Variants in MTM1 observed in about 807,000 individuals in gnomAD.
The protein encoded by MTM1 is myotubularin 1.
A neutral mutation model predicts 52.1 loss-of-function variants in MTM1; 9 were observed. That is an observed-to-expected ratio of 0.17 (90% CI 0.10 to 0.30). The LOEUF is 0.30. Ranked by LOEUF, MTM1 falls within the 10% of genes least tolerant of loss-of-function variation. The probability of loss-of-function intolerance (pLI) is 1.00; values close to 1 mark genes in which losing one functional copy is unlikely to be tolerated. For synonymous variants in MTM1, 136 were observed against 163.8 expected (o/e 0.83, Z 1.29); for missense variants, 277 against 470.7 (o/e 0.59, Z 3.81).
chrX:150,592,807 C>T (rs1408378979), intron 2 of MTM1, 130 bp downstream of exon 2: 2 of 466,747 alleles, frequency 4.3e-6, no homozygotes, highest in South Asian at 3.1e-5. Context: ...TACATTTATA[C>T]ATGTGGTTTC....
chrX:150,608,411 G>T (rs2039208618), intron 4 of MTM1, among the ~76,000 whole-genome samples: 1 of 111,390 alleles, frequency 9.0e-6, no homozygotes, highest in South Asian at 3.8e-4. Context: ...TAGAGATAGG[G>T]TCTTGCTGTG....
intron 14 of MTM1, among the ~76,000 whole-genome samples, chrX:150,668,569 G>A (rs782053448): frequency 3.4e-4 from 38 of 110,235 alleles, no homozygotes; most frequent in African/African-American, 1.2e-3. Flanking sequence ...GCCAGGCATG[G>A]CAGTGCATGC....
chrX:150,602,698 G>A (rs2039086904), intron 4 of MTM1, among the ~76,000 whole-genome samples: 1 of 112,132 alleles, frequency 8.9e-6, no homozygotes, highest in African/African-American at 3.2e-5. Context: ...CCTACTGTAG[G>A]TAGGTGATAC....
chrX:150,593,840 G>A (rs1228819346), intron 2 of MTM1, among the ~76,000 whole-genome samples: 2 of 110,190 alleles, frequency 1.8e-5, no homozygotes, highest in African/African-American at 3.3e-5. Context: ...GATGGCGTGC[G>A]CCCATAGTTC....
chrX:150,619,604 AC>A (rs782466962), intron 6 of MTM1, among the ~76,000 whole-genome samples: 26 of 112,157 alleles, frequency 2.3e-4, no homozygotes, highest in African/African-American at 8.1e-4. Context: ...TGTACCTAAA[AC>A]TTTTCCTTCC....
upstream of MTM1, among the ~76,000 whole-genome samples, chrX:150,565,082 C>A (rs781947634): frequency 4.5e-5 from 5 of 112,300 alleles, no homozygotes; most frequent in African/African-American, 1.6e-4. Context: ...AGGATTTAAA[C>A]CCTGGAACCT....
In MTM1 at chrX:150,660,347, CTTTG is replaced by C; in HGVS notation, c.1354-19_1354-16del. ...AAAGTTTCAGTCCCAGTTTTTCATG[CTTTG>C]TTTGCTTGTTTTTGTTTAGTTCCCT... On this transcript the variant is annotated intron_variant, in intron 12 of 14. Coordinates refer to ENST00000370396, the MANE Select transcript of MTM1 (RefSeq NM_000252.3). 3.1e-6 allele frequency: 3 copies of C among 975,284 alleles called. No homozygotes were observed. The highest frequency in any genetic ancestry group is 2.9e-6 in the Non-Finnish European group (2 of 682,018). The allele number at this position is 975,284 out of a possible 1,213,427, so 80.4% of individuals were successfully genotyped here.
chrX:150,622,217 A>G (rs1296854931), intron 6 of MTM1, among the ~76,000 whole-genome samples: 2 of 108,285 alleles, frequency 1.8e-5, no homozygotes, highest in African/African-American at 6.7e-5. Context: ...AAAAAAGTCA[A>G]CTGAATTGCT....
At chrX:150,631,667 CAAAAAAAAAAA>C (rs34042424) in intron 6 of MTM1, among the ~76,000 whole-genome samples, 6 of 35,455 alleles carry the variant, frequency 1.7e-4, no homozygotes, top group Non-Finnish European at 2.6e-4. Context: ...ACTCCATCTC[CAAAAAAAAAAA>C]AAAAAAAAAA....
intron 1 of MTM1, among the ~76,000 whole-genome samples, chrX:150,584,799 C>T (rs782362515): frequency 2.4e-4 from 27 of 111,889 alleles, no homozygotes; most frequent in Non-Finnish European, 4.5e-4. Context: ...TATAACCTTG[C>T]ATATCCTCCT....
intron 13 of MTM1, 41 bp downstream of exon 13, chrX:150,660,525 C>A: frequency 1.2e-6 from 1 of 820,870 alleles, no homozygotes; most frequent in South Asian, 2.1e-5. Context: ...TTAGGCTTGC[C>A]AAAATGTATG....
Position 150,641,265 on chromosome X carries a change from A to C in MTM1, c.529-4A>C. The C allele has an allele frequency of 8.3e-7, 1 of 1,211,354 alleles. No homozygotes were observed. Among genetic ancestry groups the C allele is most frequent in the Non-Finnish European group, 1.1e-6 (1 of 895,283 alleles). On this transcript the variant is annotated splice_region_variant and splice_polypyrimidine_tract_variant and intron_variant, in intron 7 of 14. Coordinates refer to ENST00000370396, the MANE Select transcript of MTM1 (RefSeq NM_000252.3). ...CTGACTTGAATTTCTTTTTTTCCTC[A>C]CAGGGCTTGCCCAATCACCATTGGA...
chrX:150,596,505 G>C lies in MTM1; in HGVS notation c.71G>C (p.Arg24Pro). Residue 24 changes from arginine to proline, a missense_variant, in exon 3 of 15, where the codon CGA becomes CCA. Physicochemically the swap from Arg to Pro is moderately radical, Grantham distance 103 (BLOSUM62 -2). This residue lies in a region of MTM1 where 164 missense variants were observed against 283.3 expected (regional missense o/e 0.58). Transcript: ENST00000370396. ...CATCTGTTTTGTTTCTAGACGTCTC[G>C]AGATGGAGTCAATCGAGATCTCACT... Reference protein sequence around the residue: ...LENESIKRTSRDGVNRDLTEA... With the variant: ...LENESIKRTSPDGVNRDLTEA... The C allele has an allele frequency of 8.3e-7, 1 of 1,208,039 alleles. No individual in the cohort carries two copies. The highest frequency in any genetic ancestry group is 1.1e-6 in the Non-Finnish European group (1 of 893,283).
chrX:150,644,207 A>G (rs190621554), intron 8 of MTM1, among the ~76,000 whole-genome samples: 124 of 111,867 alleles, frequency 1.1e-3, no homozygotes, highest in East Asian at 3.6e-3. Flanking sequence ...TTAAATGTGT[A>G]GCAAATTGCT....
At chrX:150,662,452 T>G (rs1247447240) in intron 13 of MTM1, among the ~76,000 whole-genome samples, 1 of 111,308 alleles carries the variant, frequency 9.0e-6, no homozygotes, top group African/African-American at 3.3e-5. Flanking sequence ...GCCTCCCAAG[T>G]AGCTGGGACT....
intron 1 of MTM1, among the ~76,000 whole-genome samples, chrX:150,576,518 T>C (rs2038474654): frequency 8.9e-6 from 1 of 111,917 alleles, no homozygotes; most frequent in Non-Finnish European, 1.9e-5. Context: ...TTAGGGCTTT[T>C]CCCCTGCTTT....
chrX:150,650,174 G>C (rs1179349623), intron 10 of MTM1, among the ~76,000 whole-genome samples: 1 of 111,376 alleles, frequency 9.0e-6, no homozygotes, highest in Non-Finnish European at 1.9e-5. Flanking sequence ...GGTTTATTTA[G>C]GAATAGCCAA....
chrX:150,635,246 G>A (rs2039735848), intron 6 of MTM1, among the ~76,000 whole-genome samples: 1 of 112,366 alleles, frequency 8.9e-6, no homozygotes, highest in Non-Finnish European at 1.9e-5. Flanking sequence ...GATGAAATCA[G>A]TACTTGGACG....
chrX:150,580,097 G>T (rs1419555991), intron 1 of MTM1, among the ~76,000 whole-genome samples: 1 of 111,862 alleles, frequency 8.9e-6, no homozygotes, highest in Non-Finnish European at 1.9e-5. Flanking sequence ...GGTGAAAGAA[G>T]AAATGCTTTC....
Sources: allele counts gnomAD v4.1 joint callset (sites outside exome capture counted in the v4.1 genomes callset), GRCh38; gene constraint gnomAD v4.1.1; regional missense constraint gnomAD v4.1.1; transcripts MANE v1.5; gene names NCBI Gene and HGNC (gene_info 2026-07-23, HGNC 2026-07-21).